HTT: variants seen among roughly 807,000 people sequenced by gnomAD.
HTT encodes huntingtin.
Under a neutral mutation model 362.3 loss-of-function variants are expected in HTT, and 104 were observed. That is an observed-to-expected ratio of 0.29 (90% confidence interval 0.24 to 0.34). The LOEUF (loss-of-function observed/expected upper bound fraction) is 0.34. Among genes scored for constraint, HTT ranks in the 10% least tolerant of loss-of-function variants. The pLI is 1.00. For synonymous variants in HTT, 1,577 were observed against 1,548.7 expected (o/e 1.02, Z -0.43); for missense variants, 3,301 against 3,928.6 (o/e 0.84, Z 4.27).
intron 38 of HTT, 67 bp downstream of exon 38, chr4:3,186,786 AC>A: frequency 1.4e-6 from 2 of 1,390,544 alleles, no homozygotes; most frequent in Non-Finnish European, 1.9e-6. Context: ...TACTGGGACC[AC>A]CCCCAGAATG....
chr4:3,095,262 C>T (rs965147910), intron 2 of HTT, among the ~76,000 whole-genome samples: 1 of 152,246 alleles, frequency 6.6e-6, no homozygotes, highest in African/African-American at 2.4e-5. Flanking sequence ...AGCGAGACTC[C>T]GTCTGCAATC....
At chr4:3,105,829 A>G (rs1319146715) in intron 5 of HTT, among the ~76,000 whole-genome samples, 1 of 152,232 alleles carries the variant, frequency 6.6e-6, no homozygotes, top group African/African-American at 2.4e-5. Context: ...AGTTATAGCA[A>G]AATATCCATT....
At chr4:3,108,263 C>T (rs974747599) in intron 6 of HTT, among the ~76,000 whole-genome samples, 2 of 152,184 alleles carry the variant, frequency 1.3e-5, no homozygotes, top group African/African-American at 4.8e-5. Flanking sequence ...CTGTTAGCCT[C>T]TCTCATGTTT....
In HTT at chr4:3,189,032, T is replaced by C. The variant is rs1560586142; in HGVS notation, c.5307T>C (p.His1769=). Residue 1769 remains histidine (H), a synonymous_variant, in exon 40 of 67, where the codon CAT becomes CAC. Coordinates refer to ENST00000355072, the MANE Select transcript of HTT (RefSeq NM_001388492.1). ...AGGTGGAAATGAGTGAGCAGCAACA[T>C]ACTTTCTATTGCCAGGAACTAGGCA... The part of the protein sequence containing the change: ...QLKVEMSEQQ[H]TFYCQELGTL... 2 of 1,613,938 alleles carry C rather than the reference T, an allele frequency of 1.2e-6. No individual in the cohort carries two copies. Among genetic ancestry groups the C allele is most frequent in the Non-Finnish European group, 1.7e-6 (2 of 1,179,786 alleles).
At chr4:3,232,177 G>A (rs1244031504) in intron 60 of HTT, among the ~76,000 whole-genome samples, 1 of 152,172 alleles carries the variant, frequency 6.6e-6, no homozygotes, top group Non-Finnish European at 1.5e-5. Context: ...CACAGGGTGA[G>A]GTGGGGGCCC....
rs1465567067 is a variant in HTT, at chr4:3,241,036, C to T, written c.*977C>T. On this transcript the variant is annotated 3_prime_UTR_variant, in exon 67 of 67. Coordinates refer to ENST00000355072, the MANE Select transcript of HTT (RefSeq NM_001388492.1). Reference sequence around the variant, plus strand: ...CCAGCCCTCCCTGGCTGTGAGCAGCCTCCACTGTGTCCAGAGACATGGGCC... The same window carrying T: ...CCAGCCCTCCCTGGCTGTGAGCAGCTTCCACTGTGTCCAGAGACATGGGCC... 6.6e-6 allele frequency: 1 copy of T among 152,362 alleles called. No individual in the cohort carries two copies. The highest frequency in any genetic ancestry group is 1.9e-4 in the East Asian group (1 of 5,202). 9.4% of individuals were successfully genotyped at this position (152,362 alleles called of 1,614,324 possible).
At chr4:3,112,710 C>T (rs1285863731) in intron 6 of HTT, among the ~76,000 whole-genome samples, 1 of 152,142 alleles carries the variant, frequency 6.6e-6, no homozygotes, top group Admixed American at 6.5e-5. Context: ...CTACTGTGAC[C>T]ACTCTTAGGT....
At position 3,154,968 on chromosome 4, in the gene HTT, G is replaced by A. The variant is rs184757534; in HGVS notation, c.3625+549G>A. ...CAGAACAGAAGGGGCTAGGATTTAGGTGTGACTGCAGTTTATTGAATTCCC... is the reference window on the plus strand; with the variant it reads ...CAGAACAGAAGGGGCTAGGATTTAGATGTGACTGCAGTTTATTGAATTCCC... On this transcript the variant is annotated intron_variant, in intron 27 of 66. Transcript: ENST00000355072. 1.8e-3 allele frequency among the ~76,000 whole-genome samples: 272 copies of A among 152,134 alleles called. 1 individual carries two copies. Among genetic ancestry groups the A allele is most frequent in the Middle Eastern group, 3.4e-3 (1 of 294 alleles).
At chr4:3,143,610 A>AT (rs973884563) in intron 23 of HTT, among the ~76,000 whole-genome samples, 65 of 132,790 alleles carry the variant, frequency 4.9e-4, no homozygotes, top group South Asian at 1.3e-3. Context: ...TAATTTTATT[A>AT]TTTTTTTTTT....
chr4:3,235,729 G>A lies in HTT; in HGVS notation c.8736G>A (p.Pro2912=), dbSNP rs369845532. The change falls in exon 63 of 67, where the codon CCG becomes CCA. Residue 2912 remains proline (P), a synonymous_variant. Transcript: ENST00000355072. ...LSVDRVNVHS[P]HRAMAALGLM... ...TGGACAGAGTGAACGTGCACAGCCC[G>A]CACCGGGCCATGGCGGCTCTGGGCC... 1.4e-5 allele frequency: 23 copies of A among 1,612,128 alleles called. No homozygotes were observed. The highest frequency in any genetic ancestry group is 1.2e-4 in the African/African-American group (9 of 74,940).
intron 47 of HTT, among the ~76,000 whole-genome samples, chr4:3,210,546 C>G (rs1475549614): frequency 1.3e-5 from 2 of 152,186 alleles, no homozygotes; most frequent in Non-Finnish European, 2.9e-5. Context: ...CTGCGCAGAG[C>G]TAGGAGGCCA....
intron 3 of HTT, among the ~76,000 whole-genome samples, chr4:3,103,221 A>AC (rs1553911624): frequency 9.2e-6 from 1 of 109,070 alleles, no homozygotes; most frequent in Non-Finnish European, 1.8e-5. Context: ...TATATATATA[A>AC]TTTTTTTTTT....
intron 2 of HTT, among the ~76,000 whole-genome samples, chr4:3,088,369 G>A (rs1272095369): frequency 1.3e-5 from 2 of 149,992 alleles, no homozygotes; most frequent in Non-Finnish European, 1.5e-5. Context: ...TGTATTTTTA[G>A]TAGAGATGGG....
chr4:3,089,785 A>G lies in HTT; in HGVS notation c.347+2763A>G, dbSNP rs560591351. Among the ~76,000 whole-genome samples the G allele has an allele frequency of 3.3e-5, 5 of 152,342 alleles. No homozygotes were observed. In the East Asian group the frequency reaches 7.7e-4, roughly 23 times the overall value. The stretch of plus-strand genomic sequence containing the variant: ...TGTTGGCTTATATTCATATATTAGT[A>G]AAGTATGTTGAGACATCTTAAGATT... On this transcript the variant is annotated intron_variant, in intron 2 of 66. Coordinates refer to ENST00000355072, the MANE Select transcript of HTT (RefSeq NM_001388492.1).
At chr4:3,216,327 G>A (rs1056276142) in intron 51 of HTT, among the ~76,000 whole-genome samples, 1 of 152,146 alleles carries the variant, frequency 6.6e-6, no homozygotes, top group Non-Finnish European at 1.5e-5. Context: ...ATTTCTTGTT[G>A]CTACCTAAGG....
chr4:3,239,395 C>A (rs1012491595), intron 66 of HTT, among the ~76,000 whole-genome samples: 1 of 148,646 alleles, frequency 6.7e-6, no homozygotes, highest in Non-Finnish European at 1.5e-5. Context: ...ATCCAGTTCC[C>A]ACCCCCAGAT....
chr4:3,093,917 T>TTG lies in HTT; in HGVS notation c.348-5356_348-5355insGT, dbSNP rs1254522014. On this transcript the variant is annotated intron_variant, in intron 2 of 66. Coordinates refer to ENST00000355072, the MANE Select transcript of HTT (RefSeq NM_001388492.1). The stretch of plus-strand genomic sequence containing the variant: ...CCCCTTTAAGTTGGTTTTTTTTTTT[T>TTG]TTTTTTTTTTTTAGTATTTATTGAT... Among the ~76,000 whole-genome samples the TTG allele has an allele frequency of 1.3e-3, 184 of 139,904 alleles. 2 individuals are homozygous for TTG. The highest frequency in any genetic ancestry group is 4.6e-3 in the African/African-American group (173 of 37,644). The allele number at this position is 139,904 out of a possible 152,430, so 91.8% of individuals were successfully genotyped here.
Position 3,097,401 on chromosome 4 carries a change from G to T in HTT, c.348-1873G>T, listed in dbSNP as rs539730229. Among the ~76,000 whole-genome samples, 22 of 152,302 alleles carry T rather than the reference G, an allele frequency of 1.4e-4. No homozygotes were observed. The South Asian group carries it at 4.1e-3, about 29-fold the overall frequency. Reference sequence around the variant, plus strand: ...AATCCCAGCACCTTGGGAGGCCGAGGTGGACAGATCACCTGAGGTCAGGAG... The same window carrying T: ...AATCCCAGCACCTTGGGAGGCCGAGTTGGACAGATCACCTGAGGTCAGGAG... On this transcript the variant is annotated intron_variant, in intron 2 of 66. Coordinates refer to ENST00000355072, the MANE Select transcript of HTT (RefSeq NM_001388492.1).
At chr4:3,235,448 T>G in intron 62 of HTT, 50 bp downstream of exon 62, 1 of 1,507,076 alleles carries the variant, frequency 6.6e-7, no homozygotes, top group Non-Finnish European at 9.2e-7. Flanking sequence ...TGGGCTTCCC[T>G]TCTCTTTTCC....
Sources: allele counts gnomAD v4.1 joint callset (sites outside exome capture counted in the v4.1 genomes callset), GRCh38; gene constraint gnomAD v4.1.1; transcripts MANE v1.5; gene names NCBI Gene and HGNC (gene_info 2026-07-23, HGNC 2026-07-21).